FHIT: variants seen among roughly 807,000 people sequenced by gnomAD.
FHIT encodes the protein fragile histidine triad diadenosine triphosphatase.
In FHIT, 19 loss-of-function variants were observed where a neutral mutation model predicts 17.9. The observed-to-expected ratio is 1.06, with a 90% CI of 0.74 to 1.56. FHIT has a LOEUF of 1.56. FHIT is among the 40% of genes most tolerant of loss of function. The probability of loss-of-function intolerance (pLI) is 0.00; values close to 1 mark genes in which losing one functional copy is unlikely to be tolerated. For missense variants in FHIT, 248 were observed against 189.2 expected, an observed-to-expected ratio of 1.31 and a Z score of -1.82; for synonymous variants, 81 against 69.7, an observed-to-expected ratio of 1.16 and a Z score of -0.81.
intron 7 of FHIT, among the ~76,000 whole-genome samples, chr3:59,935,156 G>T (rs529219958): frequency 6.6e-6 from 1 of 152,232 alleles, no homozygotes; most frequent in East Asian, 1.9e-4. Context: ...GGTTCTGCTT[G>T]CTGCTGGGTG....
At chr3:60,890,913 C>A (rs1705482464) in intron 3 of FHIT, among the ~76,000 whole-genome samples, 1 of 152,166 alleles carries the variant, frequency 6.6e-6, no homozygotes, top group Non-Finnish European at 1.5e-5. Context: ...ATGATGACAT[C>A]CCCAGTGGGT....
intron 5 of FHIT, among the ~76,000 whole-genome samples, chr3:60,218,774 G>A (rs1359270887): frequency 2.0e-5 from 3 of 152,072 alleles, no homozygotes; most frequent in Admixed American, 1.3e-4. Context: ...CCAAGGATAT[G>A]TAACTTACCC....
At chr3:60,368,495 C>T (rs924472029) in intron 5 of FHIT, among the ~76,000 whole-genome samples, 2 of 151,684 alleles carry the variant, frequency 1.3e-5, no homozygotes, top group African/African-American at 4.8e-5. Flanking sequence ...TTTTATGTTG[C>T]CTTAAATTGG....
chr3:60,936,232 G>A (rs1361952135), intron 3 of FHIT, among the ~76,000 whole-genome samples: 1 of 152,124 alleles, frequency 6.6e-6, no homozygotes, highest in Non-Finnish European at 1.5e-5. Context: ...GAAAGACTAG[G>A]AATCTATTAA....
chr3:60,200,553 C>T (rs1199903381), intron 5 of FHIT, among the ~76,000 whole-genome samples: 2 of 151,842 alleles, frequency 1.3e-5, no homozygotes, highest in African/African-American at 2.4e-5. Flanking sequence ...GAAAAGGATC[C>T]TCTTCTAACA....
At chr3:60,805,990 AGCAT>A (rs1401948084) in intron 4 of FHIT, among the ~76,000 whole-genome samples, 1 of 152,250 alleles carries the variant, frequency 6.6e-6, no homozygotes, top group Non-Finnish European at 1.5e-5. Context: ...TACATATAGA[AGCAT>A]GAATATTCTG....
chr3:60,256,401 T>A (rs1014593203), intron 5 of FHIT, among the ~76,000 whole-genome samples: 1 of 152,218 alleles, frequency 6.6e-6, no homozygotes, highest in Non-Finnish European at 1.5e-5. Context: ...TCCAGAACTG[T>A]AAGCAATAAA....
chr3:60,597,188 A>T (rs2038298331), intron 4 of FHIT, among the ~76,000 whole-genome samples: 3 of 152,086 alleles, frequency 2.0e-5, no homozygotes, highest in Admixed American at 2.0e-4. Flanking sequence ...ATTAAGTCAA[A>T]CTCACCCAAC....
intron 4 of FHIT, among the ~76,000 whole-genome samples, chr3:60,597,462 T>A (rs1257609533): frequency 1.3e-5 from 2 of 152,142 alleles, no homozygotes; most frequent in African/African-American, 4.8e-5. Flanking sequence ...ACTGTAGTTT[T>A]TCAGACTCAG....
At chr3:61,041,249 C>T (rs28506184) in intron 3 of FHIT, among the ~76,000 whole-genome samples, 20,601 of 151,768 alleles carry the variant, frequency 0.14, 1,506 homozygotes, top group African/African-American at 0.17. Context: ...TGTGGTGGCA[C>T]GCCTCTAGTC....
At chr3:60,556,719 C>A (rs1338736343) in intron 4 of FHIT, among the ~76,000 whole-genome samples, 1 of 152,238 alleles carries the variant, frequency 6.6e-6, no homozygotes, top group African/African-American at 2.4e-5. Context: ...TAGCAACACC[C>A]TGAAGGTAAT....
chr3:61,008,900 T>A (rs1372762624), intron 3 of FHIT, among the ~76,000 whole-genome samples: 1 of 151,038 alleles, frequency 6.6e-6, no homozygotes, highest in African/African-American at 2.5e-5. Context: ...TTGGGCTTTT[T>A]GTGTGTGTGT....
At chr3:60,304,614 G>T (rs1348283017) in intron 5 of FHIT, among the ~76,000 whole-genome samples, 4 of 152,058 alleles carry the variant, frequency 2.6e-5, no homozygotes, top group Admixed American at 1.3e-4. Flanking sequence ...CATAGGATAA[G>T]CAGTTAATCT....
At chr3:60,595,341 G>T (rs782328602) in intron 4 of FHIT, among the ~76,000 whole-genome samples, 2 of 150,922 alleles carry the variant, frequency 1.3e-5, no homozygotes, top group African/African-American at 4.9e-5. Flanking sequence ...GAAGGCAATT[G>T]TACAGGATTA....
At chr3:60,778,723 A>G (rs1005428147) in intron 4 of FHIT, among the ~76,000 whole-genome samples, 7 of 151,732 alleles carry the variant, frequency 4.6e-5, no homozygotes, top group African/African-American at 2.4e-5. Flanking sequence ...ATCAGTGCCA[A>G]TAAGAATCCA....
chr3:60,971,405 C>T (rs1302622002), intron 3 of FHIT, among the ~76,000 whole-genome samples: 8 of 152,250 alleles, frequency 5.3e-5, no homozygotes, highest in Admixed American at 4.6e-4. Flanking sequence ...CCAAATGTCT[C>T]AAATGTGATA....
intron 3 of FHIT, among the ~76,000 whole-genome samples, chr3:60,823,425 G>T (rs901882966): frequency 5.3e-5 from 8 of 152,140 alleles, no homozygotes; most frequent in Admixed American, 4.6e-4. Flanking sequence ...AGTCATACTG[G>T]AGATCGGTGG....
At chr3:59,760,559 C>CA (rs35692822) in intron 8 of FHIT, among the ~76,000 whole-genome samples, 29,566 of 135,080 alleles carry the variant, frequency 0.22, 3,032 homozygotes, top group South Asian at 0.33. Flanking sequence ...CCCATGCCAT[C>CA]AAAAAAAAAA....
chr3:60,744,249 AAAAAAAAACAAAACAAAAC>A (rs1163823448), intron 4 of FHIT, among the ~76,000 whole-genome samples: 2 of 67,254 alleles, frequency 3.0e-5, no homozygotes, highest in South Asian at 6.5e-4. Context: ...AGTAATGTAA[AAAAAAAAACAAAACAAAAC>A]AAAAAAAAAA....
Sources: gnomAD v4.1 joint callset for allele counts (sites outside exome capture counted in the v4.1 genomes callset) on GRCh38, gnomAD v4.1.1 for gene constraint, MANE v1.5 for transcripts, NCBI Gene and HGNC (gene_info 2026-07-23, HGNC 2026-07-21) for gene names.